AK1: variants seen among roughly 807,000 people sequenced by gnomAD.
AK1 encodes the protein adenylate kinase 1, also known as adenylate kinase isoenzyme 1.
AK1 carries 13 observed loss-of-function variants against 23.9 expected under a neutral mutation model. The ratio of observed to expected loss-of-function variants is 0.54; its 90% CI spans 0.35 to 0.86. The LOEUF (loss-of-function observed/expected upper bound fraction) is 0.86. Among genes scored for constraint, AK1 ranks in the 40% least tolerant of loss-of-function variants. The probability of loss-of-function intolerance (pLI) is 0.01; values close to 1 mark genes in which losing one functional copy is unlikely to be tolerated. For synonymous variants in AK1, 97 were observed against 102.8 expected, an observed-to-expected ratio of 0.94 and a Z score of 0.34; for missense variants, 214 against 255.1, an observed-to-expected ratio of 0.84 and a Z score of 1.10.
chr9:127,879,299 A>G (rs1829598275), upstream of AK1, among the ~76,000 whole-genome samples: 1 of 152,134 alleles, frequency 6.6e-6, no homozygotes, highest in Non-Finnish European at 1.5e-5. Context: ...TAATGGGACA[A>G]GAGGCTTCAG....
Position 127,874,590 on chromosome 9 carries a change from AAAAG to A in AK1, c.7+17_7+20del, listed in dbSNP as rs1185664713. The A allele has an allele frequency of 1.2e-6, 2 of 1,613,306 alleles. No homozygotes were observed. Among genetic ancestry groups the A allele is most frequent in the Non-Finnish European group, 1.7e-6 (2 of 1,179,908 alleles). ...GCACACTGAGGCCCAGGCAATGGGCAAAAGGAGAGGAGGCTCATACCTTCCATCC... is the reference window on the plus strand; with the variant it reads ...GCACACTGAGGCCCAGGCAATGGGCAGAGAGGAGGCTCATACCTTCCATCC... On this transcript the variant is annotated intron_variant, in intron 2 of 6. Coordinates refer to ENST00000644144, the MANE Select transcript of AK1 (RefSeq NM_000476.3).
Position 127,873,006 on chromosome 9 carries a change from C to T in AK1, c.43+20G>A, listed in dbSNP as rs2131404992. 2 of 1,614,068 alleles carry T rather than the reference C, an allele frequency of 1.2e-6. No individual in the cohort carries two copies. The highest frequency in any genetic ancestry group is 1.7e-6 in the Non-Finnish European group (2 of 1,179,962). ...GCCAGTGAAGACCCTTGCTGCACCA[C>T]CCGCCTGCCCGCAACTCACCCACCA... On this transcript the variant is annotated intron_variant, in intron 3 of 6. Transcript: ENST00000644144.
At position 127,867,952 on chromosome 9, in the gene AK1, T is replaced by A; in HGVS notation, c.*56A>T. 6.4e-7 allele frequency: 1 copy of A among 1,574,184 alleles called. No individual in the cohort carries two copies. The highest frequency in any genetic ancestry group is 8.7e-7 in the Non-Finnish European group (1 of 1,143,684). On this transcript the variant is annotated 3_prime_UTR_variant, in exon 7 of 7. Transcript: ENST00000644144. The stretch of plus-strand genomic sequence containing the variant: ...GCGCTGCGCTCAGGCCAGGAGGACC[T>A]CGAATCAGGACGGGGTGGGGCGGGG...
At chr9:127,878,805 T>TG (rs1213181713), upstream of AK1, among the ~76,000 whole-genome samples, 4 of 151,990 alleles carry the variant, frequency 2.6e-5, no homozygotes, top group Non-Finnish European at 4.4e-5. Flanking sequence ...TCCCCATCTG[T>TG]GGGGGGGCAG....
chr9:127,876,136 C>A (rs534000390), intron 1 of AK1, among the ~76,000 whole-genome samples: 1 of 152,296 alleles, frequency 6.6e-6, no homozygotes, highest in African/African-American at 2.4e-5. Context: ...GATGCCTTTC[C>A]CCACCTTGCT....
chr9:127,874,689 C>G (rs1829497067), intron 1 of AK1, 40 bp from the exon 2 acceptor site: 1 of 1,586,720 alleles, frequency 6.3e-7, no homozygotes, highest in Non-Finnish European at 8.6e-7. Context: ...GATTTTCCTC[C>G]TCACCCTGAC....
At position 127,871,909 on chromosome 9, in the gene AK1, T is replaced by C. The variant is rs372248359; in HGVS notation, c.238A>G (p.Met80Val). 53 of 1,614,054 alleles carry C rather than the reference T, an allele frequency of 3.3e-5. No homozygotes were observed. The Admixed American group carries it at 4.0e-4, about 12-fold the overall frequency. ...TTGGAAGTATTGACTTTGGCCACCATGGCATCCCGGAGCATGTCCAACACT... is the reference window on the plus strand; with the variant it reads ...TTGGAAGTATTGACTTTGGCCACCACGGCATCCCGGAGCATGTCCAACACT... ...ETVLDMLRDAMVAKVNTSKGF... is the reference protein window; with the variant it reads ...ETVLDMLRDAVVAKVNTSKGF... Residue 80 changes from methionine to valine, a missense_variant, in exon 5 of 7, where the codon ATG (methionine) becomes GTG (valine). Met to Val is a conservative substitution (Grantham distance 21, BLOSUM62 1). Coordinates refer to ENST00000644144, the MANE Select transcript of AK1 (RefSeq NM_000476.3). The surrounding 1 kb of genome is among the most constrained non-coding windows in gnomAD (Gnocchi z 4.4).
At position 127,868,063 on chromosome 9, in the gene AK1, C is replaced by A. The variant is rs201453879; in HGVS notation, c.530G>T (p.Gly177Val). 1.2e-6 allele frequency: 2 copies of A among 1,614,090 alleles called. No individual in the cohort carries two copies. Among genetic ancestry groups the A allele is most frequent in the Admixed American group, 1.7e-5 (1 of 60,018 alleles). The part of the protein sequence containing the change: ...RGIVRKVNAE[G>V]SVDSVFSQVC... ...CTGGGAGAAGACACTGTCCACGGAG[C>A]CCTCAGCGTTGACCTGTGGGGAGAT... Residue 177 changes from glycine (G) to valine (V), a missense_variant, in exon 7 of 7, where the codon GGC becomes GTC. Gly to Val is a moderately radical substitution (Grantham distance 109). Transcript: ENST00000644144. The surrounding 1 kb of genome is among the most constrained non-coding windows in gnomAD (Gnocchi z 4.1).
chr9:127,869,049 G>T (rs1380110175), intron 5 of AK1, among the ~76,000 whole-genome samples: 1 of 152,192 alleles, frequency 6.6e-6, no homozygotes, highest in Non-Finnish European at 1.5e-5. Flanking sequence ...CACAATTCTG[G>T]GGTCCTTTGA....
At position 127,872,670 on chromosome 9, in the gene AK1, C is replaced by G. The variant is rs563052949; in HGVS notation, c.207+20G>C. 3.3e-5 allele frequency: 54 copies of G among 1,613,606 alleles called. No individual in the cohort carries two copies. The highest frequency in any genetic ancestry group is 4.4e-5 in the Non-Finnish European group (52 of 1,179,998). On this transcript the variant is annotated intron_variant, in intron 4 of 6. Transcript: ENST00000644144. ...GGCTACTGTCATCCCCTGCCTCTCA[C>G]CCCACCAGGGCCCACTCACCAGTGG...
At chr9:127,875,518 G>C (rs2131412644) in intron 1 of AK1, among the ~76,000 whole-genome samples, 1 of 149,200 alleles carries the variant, frequency 6.7e-6, no homozygotes, top group African/African-American at 2.5e-5. Context: ...CTCCAGCCTT[G>C]ACCTCCAGCC....
chr9:127,873,332 G>A (rs1397428784), intron 2 of AK1: 22 of 1,543,290 alleles, frequency 1.4e-5, no homozygotes, highest in Middle Eastern at 3.3e-4. Context: ...CACAGCCAGC[G>A]GGCTGGGCCG....
chr9:127,873,409 C>T (rs761415373), intron 2 of AK1: 9 of 1,581,718 alleles, frequency 5.7e-6, no homozygotes, highest in African/African-American at 2.7e-5. Flanking sequence ...GCTCTCAGAT[C>T]GTCTTCTCTG....
In AK1 at chr9:127,871,078, G is replaced by A. The variant is rs548308209; in HGVS notation, c.324+745C>T. Among the ~76,000 whole-genome samples, 66 of 151,970 alleles carry A rather than the reference G, an allele frequency of 4.3e-4. 3 individuals are homozygous for A. In the South Asian group the frequency reaches 5.8e-3, roughly 13 times the overall value. On this transcript the variant is annotated intron_variant, in intron 5 of 6. Transcript: ENST00000644144. The surrounding 1 kb of genome is among the most constrained non-coding windows in gnomAD (Gnocchi z 4.4). ...GTGCAGGAGTGCAGTATCCACTGCC[G>A]TGTGTGTGCATGTGTGCACATGCCC...
chr9:127,868,891 T>C lies in AK1; in HGVS notation c.325-379A>G, dbSNP rs1416996343. 6.6e-6 allele frequency among the ~76,000 whole-genome samples: 1 copy of C among 152,202 alleles called. No individual in the cohort carries two copies. Among genetic ancestry groups the C allele is most frequent in the Non-Finnish European group, 1.5e-5 (1 of 68,034 alleles). On this transcript the variant is annotated intron_variant, in intron 5 of 6. Coordinates refer to ENST00000644144, the MANE Select transcript of AK1 (RefSeq NM_000476.3). The surrounding 1 kb of genome is among the most constrained non-coding windows in gnomAD (Gnocchi z 4.1). ...CTCAATACCAAGCATCAGGTTTCAG[T>C]GCGAAGCTCACTTCCTCAGGGCAGT...
chr9:127,875,914 GCCTCCACAC>G (rs1166401356), intron 1 of AK1, among the ~76,000 whole-genome samples: 2 of 152,206 alleles, frequency 1.3e-5, no homozygotes, highest in Non-Finnish European at 2.9e-5. Flanking sequence ...GGGCCTTGAA[GCCTCCACAC>G]CCTGCCACGC....
intron 1 of AK1, among the ~76,000 whole-genome samples, chr9:127,876,451 A>G (rs909454238): frequency 1.3e-5 from 2 of 152,128 alleles, no homozygotes; most frequent in African/African-American, 4.8e-5. Context: ...AGTTTCTGCT[A>G]CGCTGGGCCT....
chr9:127,867,920 G>C lies in AK1; in HGVS notation c.*88C>G. On this transcript the variant is annotated 3_prime_UTR_variant, in exon 7 of 7. Coordinates refer to ENST00000644144, the MANE Select transcript of AK1 (RefSeq NM_000476.3). ...CCTCCGTCTGTGCTCAGCAGGGCAG[G>C]GTGGAGGCGCTGCGCTCAGGCCAGG... The C allele has an allele frequency of 7.7e-7, 1 of 1,295,828 alleles. No homozygotes were observed. Among genetic ancestry groups the C allele is most frequent in the South Asian group, 1.2e-5 (1 of 84,490 alleles). 80.3% of individuals were successfully genotyped at this position (1,295,828 alleles called of 1,614,324 possible).
At position 127,868,335 on chromosome 9, in the gene AK1, C is replaced by T; in HGVS notation, c.502G>A (p.Gly168Ser). 6.3e-7 allele frequency: 1 copy of T among 1,595,940 alleles called. No individual in the cohort carries two copies. Among genetic ancestry groups the T allele is most frequent in the Non-Finnish European group, 8.5e-7 (1 of 1,171,144 alleles). ...GCGGGGCCCACCTTGCGCACAATGC[C>T]ACGTTTCTCATAGAAGGCGATGACA... Reference protein sequence around the residue: ...EPVIAFYEKRGIVRKVNAEGS... With the variant: ...EPVIAFYEKRSIVRKVNAEGS... Residue 168 changes from glycine to serine, a missense_variant, in exon 6 of 7, where the codon GGC becomes AGC. Physicochemically the swap from Gly to Ser is moderately conservative, Grantham distance 56 (BLOSUM62 0). Transcript: ENST00000644144. The surrounding 1 kb of genome is among the most constrained non-coding windows in gnomAD (Gnocchi z 4.1).
Sources: allele counts gnomAD v4.1 joint callset (sites outside exome capture counted in the v4.1 genomes callset), GRCh38; gene constraint gnomAD v4.1.1; non-coding constraint Gnocchi (gnomAD v3.1); transcripts MANE v1.5; gene names NCBI Gene and HGNC (gene_info 2026-07-23, HGNC 2026-07-21).